Variants in DUSP16 observed in about 807,000 individuals in gnomAD.
DUSP16 encodes dual specificity protein phosphatase 16.
DUSP16 carries 21 observed loss-of-function variants against 58.3 expected under a neutral mutation model. The observed-to-expected ratio is 0.36, with a 90% CI of 0.26 to 0.52. DUSP16 has a LOEUF of 0.52. Among genes scored for constraint, DUSP16 ranks in the 20% least tolerant of loss-of-function variants. DUSP16 has a pLI of 0.94. For missense variants in DUSP16, 726 were observed against 819.0 expected, an observed-to-expected ratio of 0.89 and a Z score of 1.39; for synonymous variants, 320 against 323.8, an observed-to-expected ratio of 0.99 and a Z score of 0.12.
intron 1 of DUSP16, among the ~76,000 whole-genome samples, chr12:12,538,351 A>C (rs1290759406): frequency 6.6e-6 from 1 of 152,246 alleles, no homozygotes; most frequent in Non-Finnish European, 1.5e-5. Flanking sequence ...TCATTAAAGA[A>C]AGTCAGAGAC....
Position 12,477,565 on chromosome 12 carries a change from T to G in DUSP16, c.1266A>C (p.Ser422=). The change falls in exon 7 of 7, where the codon TCA becomes TCC. Residue 422 remains serine, a synonymous_variant. Transcript: ENST00000298573. This position sits in a 1 kb window ranked among gnomAD's most constrained non-coding sequence, Gnocchi z 4.1. ...TGTAGTATTCCAAAGCATCTTCTGA[T>G]GAGGAGAAGCCATGTAAGGATGCTG... The part of the protein sequence containing the change: ...SMAASLHGFS[S]SEDALEYYKP... 3 of 1,613,480 alleles carry G rather than the reference T, an allele frequency of 1.9e-6. No individual in the cohort carries two copies. The highest frequency in any genetic ancestry group is 2.2e-5 in the South Asian group (2 of 90,962).
chr12:12,515,073 T>C (rs951583151), intron 3 of DUSP16, among the ~76,000 whole-genome samples: 1 of 150,160 alleles, frequency 6.7e-6, no homozygotes, highest in African/African-American at 2.4e-5. Context: ...CAAAGGACTT[T>C]ATTAAAAAGA....
rs1345266349 is a variant in DUSP16 at position 12,548,038 on chromosome 12, A to C, written c.-366+14079T>G. Reference sequence around the variant, plus strand: ...TAAGCAGTACCAGTAATAGCAGAAGAAGCAGAGATGACAGTTACTGTACTC... The same window carrying C: ...TAAGCAGTACCAGTAATAGCAGAAGCAGCAGAGATGACAGTTACTGTACTC... On this transcript the variant is annotated intron_variant, in intron 1 of 6. Coordinates refer to ENST00000298573, the MANE Select transcript of DUSP16 (RefSeq NM_030640.3). 1.2e-4 allele frequency among the ~76,000 whole-genome samples: 18 copies of C among 152,310 alleles called. No homozygotes were observed. In the East Asian group the frequency reaches 2.7e-3, roughly 23 times the overall value.
intron 1 of DUSP16, among the ~76,000 whole-genome samples, chr12:12,536,014 TAAG>T (rs927280476): frequency 6.6e-6 from 1 of 152,196 alleles, no homozygotes; most frequent in Non-Finnish European, 1.5e-5. Flanking sequence ...GAAAATAACA[TAAG>T]AACACTACTA....
rs1306302368 is a variant in DUSP16 at position 12,474,858 on chromosome 12, CTG to C, written c.*1973_*1974del. The C allele has an allele frequency of 6.6e-6, 1 of 152,202 alleles. No individual in the cohort carries two copies. Among genetic ancestry groups the C allele is most frequent in the African/African-American group, 2.4e-5 (1 of 41,444 alleles). The allele number at this position is 152,202 out of a possible 1,614,324, so 9.4% of individuals were successfully genotyped here. Reference sequence around the variant, plus strand: ...TGTGTGTACATAACATCAAAAACTACTGTGTGAAACTTGAGAATGTCTGATTA... The same window carrying C: ...TGTGTGTACATAACATCAAAAACTACTGTGAAACTTGAGAATGTCTGATTA... On this transcript the variant is annotated 3_prime_UTR_variant, in exon 7 of 7. Transcript: ENST00000298573.
chr12:12,553,107 A>C (rs1200849569), intron 1 of DUSP16, among the ~76,000 whole-genome samples: 1 of 152,088 alleles, frequency 6.6e-6, no homozygotes, highest in Non-Finnish European at 1.5e-5. Context: ...TTAAATAAAT[A>C]AATATTTTAA....
Position 12,519,881 on chromosome 12 carries a change from G to A in DUSP16, c.348C>T (p.Asn116=), listed in dbSNP as rs761957879. Residue 116 remains asparagine (N), a synonymous_variant, in exon 3 of 7, where the codon AAC becomes AAT. Coordinates refer to ENST00000298573, the MANE Select transcript of DUSP16 (RefSeq NM_030640.3). ...CCTTACCTGCAAGCAGGTGAACAGA[G>A]TTGAAGCTCTTCTCCAGTTTACCCA... ...VLLGKLEKSF[N]SVHLLAGGFA... is the part of the protein sequence containing the mutation. The A allele has an allele frequency of 6.8e-6, 11 of 1,613,970 alleles. No homozygotes were observed. Among genetic ancestry groups the A allele is most frequent in the Non-Finnish European group, 8.5e-6 (10 of 1,179,984 alleles).
At chr12:12,515,131 T>G (rs1166716284) in intron 3 of DUSP16, among the ~76,000 whole-genome samples, 1 of 152,134 alleles carries the variant, frequency 6.6e-6, no homozygotes, top group Admixed American at 6.5e-5. Flanking sequence ...ATTCTAATTA[T>G]TTAATATACT....
At chr12:12,502,427 T>C (rs1333291257) in intron 3 of DUSP16, among the ~76,000 whole-genome samples, 2 of 152,196 alleles carry the variant, frequency 1.3e-5, no homozygotes, top group African/African-American at 4.8e-5. Flanking sequence ...GTTAAAGCTC[T>C]TCCACTTACT....
At chr12:12,483,783 A>T (rs957355486) in intron 5 of DUSP16, among the ~76,000 whole-genome samples, 10 of 151,572 alleles carry the variant, frequency 6.6e-5, no homozygotes, top group African/African-American at 2.4e-4. Flanking sequence ...AAAAGACAAA[A>T]CTCCACATAA....
rs754626233 is a variant in DUSP16, at chr12:12,500,507, C to T, written c.531+12G>A. Reference sequence around the variant, plus strand: ...TAAACCCAGCAATGAAGGATATTTTCAAAGCACCCACCTTGTTGAGGACAT... The same window carrying T: ...TAAACCCAGCAATGAAGGATATTTTTAAAGCACCCACCTTGTTGAGGACAT... On this transcript the variant is annotated intron_variant, in intron 4 of 6. Coordinates refer to ENST00000298573, the MANE Select transcript of DUSP16 (RefSeq NM_030640.3). The T allele has an allele frequency of 6.3e-7, 1 of 1,592,886 alleles. No homozygotes were observed. The highest frequency in any genetic ancestry group is 8.5e-7 in the Non-Finnish European group (1 of 1,172,216).
rs1193595291 is a variant in DUSP16 at position 12,473,940 on chromosome 12, A to C, written c.*2893T>G. Among the ~76,000 whole-genome samples, 1 of 152,208 alleles carries C rather than the reference A, an allele frequency of 6.6e-6. No homozygotes were observed. The highest frequency in any genetic ancestry group is 1.5e-5 in the Non-Finnish European group (1 of 68,030). The stretch of plus-strand genomic sequence containing the variant: ...GTACTTGTGTGTTCTGGAATCAGTC[A>C]GCTAGAAAATATTTACCAAGTGTCT... On this transcript the variant is annotated 3_prime_UTR_variant, in exon 7 of 7. Transcript: ENST00000298573.
In DUSP16 at chr12:12,477,915, C is replaced by G. The variant is rs1363964104; in HGVS notation, c.916G>C (p.Gly306Arg). The change falls in exon 7 of 7, where the codon GGG becomes CGG. Residue 306 changes from glycine to arginine, a missense_variant. Coordinates refer to ENST00000298573, the MANE Select transcript of DUSP16 (RefSeq NM_030640.3). The surrounding 1 kb of genome is among the most constrained non-coding windows in gnomAD (Gnocchi z 4.1). Reference protein sequence around the residue: ...KKIKNQTGASGPKSKLKLLHL... With the variant: ...KKIKNQTGASRPKSKLKLLHL... ...AGCAGCTTGAGTTTGCTCTTTGGCC[C>G]TGATGCTCCAGTCTGGTTCTTAATC... The G allele has an allele frequency of 4.3e-6, 7 of 1,614,050 alleles. No homozygotes were observed. The highest frequency in any genetic ancestry group is 2.7e-5 in the African/African-American group (2 of 74,902).
At chr12:12,490,375 TAAAAC>T (rs1341134320) in intron 4 of DUSP16, among the ~76,000 whole-genome samples, 2 of 151,618 alleles carry the variant, frequency 1.3e-5, no homozygotes, top group African/African-American at 2.4e-5. Flanking sequence ...ACTTGATAAA[TAAAAC>T]AAGTACAATT....
chr12:12,523,654 A>G (rs139623013), intron 1 of DUSP16, among the ~76,000 whole-genome samples: 59 of 152,368 alleles, frequency 3.9e-4, no homozygotes, highest in African/African-American at 1.3e-3. Context: ...AGGAACTATA[A>G]GAGAGAATTT....
chr12:12,521,402 C>A lies in DUSP16; in HGVS notation c.-304G>T, dbSNP rs1472703008. On this transcript the variant is annotated 5_prime_UTR_variant, in exon 2 of 7. Coordinates refer to ENST00000298573, the MANE Select transcript of DUSP16 (RefSeq NM_030640.3). Reference sequence around the variant, plus strand: ...ACAAAAGATGCTTTGGAGCAGCCAGCGCATTACATCATTCTTTACCTTTGC... The same window carrying A: ...ACAAAAGATGCTTTGGAGCAGCCAGAGCATTACATCATTCTTTACCTTTGC... The A allele has an allele frequency of 1.6e-6, 2 of 1,253,126 alleles. No individual in the cohort carries two copies. The highest frequency in any genetic ancestry group is 2.0e-6 in the Non-Finnish European group (2 of 989,536). The allele number at this position is 1,253,126 out of a possible 1,614,324, so 77.6% of individuals were successfully genotyped here.
intron 1 of DUSP16, 122 bp from the exon 2 acceptor site, chr12:12,521,585 G>A (rs1474386669): frequency 1.1e-5 from 3 of 283,254 alleles, no homozygotes; most frequent in Non-Finnish European, 1.6e-5. Context: ...CATACTTGAT[G>A]CACTGCTTCA....
At chr12:12,546,201 T>G (rs1944639160) in intron 1 of DUSP16, among the ~76,000 whole-genome samples, 1 of 152,228 alleles carries the variant, frequency 6.6e-6, no homozygotes, top group Non-Finnish European at 1.5e-5. Flanking sequence ...ATGATTATGT[T>G]AATGAATTCT....
chr12:12,521,862 G>A (rs1944241958), intron 1 of DUSP16, among the ~76,000 whole-genome samples: 1 of 152,046 alleles, frequency 6.6e-6, no homozygotes, highest in African/African-American at 2.4e-5. Flanking sequence ...TGGCAGCTGA[G>A]GACAAAGTTA....
Sources: gnomAD v4.1 joint callset for allele counts (sites outside exome capture counted in the v4.1 genomes callset) on GRCh38, gnomAD v4.1.1 for gene constraint, Gnocchi (gnomAD v3.1) non-coding constraint, MANE v1.5 for transcripts, NCBI Gene and HGNC (gene_info 2026-07-23, HGNC 2026-07-21) for gene names.